KCNMB2: variants seen among roughly 807,000 people sequenced by gnomAD.
The protein encoded by KCNMB2 is potassium calcium-activated channel subfamily M regulatory beta subunit 2.
KCNMB2 carries 9 observed loss-of-function variants against 24.5 expected under a neutral mutation model. That is an observed-to-expected ratio of 0.37 (90% CI 0.22 to 0.64). The LOEUF (loss-of-function observed/expected upper bound fraction) is 0.64, where lower values mean the gene tolerates loss of function less well. KCNMB2 is among the 30% of genes least tolerant of loss of function. The pLI is 0.63. For missense variants in KCNMB2, 226 were observed against 284.3 expected (o/e 0.79, Z 1.47); for synonymous variants, 109 against 104.4 (o/e 1.04, Z -0.27).
intron 1 of KCNMB2, among the ~76,000 whole-genome samples, chr3:178,632,267 TAC>T (rs1003576096): frequency 6.6e-6 from 1 of 152,182 alleles, no homozygotes; most frequent in Admixed American, 6.5e-5. Flanking sequence ...AAAATGATAG[TAC>T]ACACAGTATG....
chr3:178,551,128 G>C (rs966089908), intron 1 of KCNMB2, among the ~76,000 whole-genome samples: 1 of 152,192 alleles, frequency 6.6e-6, no homozygotes, highest in Non-Finnish European at 1.5e-5. Context: ...TTCCCCAAAA[G>C]GAAAGTAAGA....
chr3:178,766,210 T>C (rs929741183), intron 1 of KCNMB2, among the ~76,000 whole-genome samples: 3 of 152,190 alleles, frequency 2.0e-5, no homozygotes, highest in African/African-American at 7.2e-5. Context: ...TATTTTTATT[T>C]TGAGATAGGG....
At chr3:178,544,893 C>T (rs1262726503) in intron 1 of KCNMB2, among the ~76,000 whole-genome samples, 1 of 152,172 alleles carries the variant, frequency 6.6e-6, no homozygotes, top group Non-Finnish European at 1.5e-5. Flanking sequence ...GTGACTAGAA[C>T]TATATTAAGT....
Position 178,757,830 on chromosome 3 carries a change from C to CATCCAAGAGGATATATATATAT in KCNMB2, c.-67-49493_-67-49492insATATCCAAGAGGATATATATAT, listed in dbSNP as rs774991483. Among the ~76,000 whole-genome samples the CATCCAAGAGGATATATATATAT allele has an allele frequency of 1.7e-4, 8 of 46,184 alleles. 1 individual carries two copies. The highest frequency in any genetic ancestry group is 1.6e-3 in the South Asian group (2 of 1,290). 30.3% of individuals were successfully genotyped at this position (46,184 alleles called of 152,430 possible). A position where few individuals can be genotyped will look rare whatever the true frequency, so the allele number is the denominator to read the frequency against. ...CCAAGAGGATATATATATACACATC[C>CATCCAAGAGGATATATATATAT]ATCCAAGAGGATATATATATCCAAG... is the stretch of plus-strand genomic sequence containing the variant. On this transcript the variant is annotated intron_variant, in intron 1 of 4. Coordinates refer to ENST00000452583, the MANE Select transcript of KCNMB2 (RefSeq NM_181361.3).
At chr3:178,794,307 T>C (rs1713446262) in intron 1 of KCNMB2, among the ~76,000 whole-genome samples, 1 of 151,986 alleles carries the variant, frequency 6.6e-6, no homozygotes, top group African/African-American at 2.4e-5. Context: ...CTCCCTAACC[T>C]CAAAGACCGG....
chr3:178,610,372 T>C (rs1257597455), intron 1 of KCNMB2, among the ~76,000 whole-genome samples: 2 of 152,196 alleles, frequency 1.3e-5, no homozygotes, highest in East Asian at 3.8e-4. Flanking sequence ...TATTGATTCT[T>C]TCAATACATG....
In KCNMB2 at chr3:178,843,221, T is replaced by C; in HGVS notation, c.*284T>C. The C allele has an allele frequency of 1.9e-6, 1 of 520,758 alleles. No homozygotes were observed. Among genetic ancestry groups the C allele is most frequent in the Non-Finnish European group, 3.7e-6 (1 of 269,412 alleles). The allele number at this position is 520,758 out of a possible 1,614,324, so 32.3% of individuals were successfully genotyped here. On this transcript the variant is annotated 3_prime_UTR_variant, in exon 5 of 5. Transcript: ENST00000452583. ...ATTCCGCCAAAACAGGGCTCAGTTA[T>C]TCATTTGCCAAGCTTCGTGGAGGAA...
chr3:178,603,926 A>G (rs924680479), intron 1 of KCNMB2, among the ~76,000 whole-genome samples: 4 of 152,190 alleles, frequency 2.6e-5, no homozygotes, highest in Admixed American at 1.3e-4. Flanking sequence ...TATCAGTGAC[A>G]CAGTTCAAAG....
chr3:178,718,388 T>C (rs79423734), intron 1 of KCNMB2, among the ~76,000 whole-genome samples: 21,300 of 152,254 alleles, frequency 0.14, 1,843 homozygotes, highest in Non-Finnish European at 0.18. Flanking sequence ...TCTGTATGTA[T>C]GCATGTGTCT....
intron 1 of KCNMB2, among the ~76,000 whole-genome samples, chr3:178,798,487 A>G (rs1333963463): frequency 6.6e-6 from 1 of 152,158 alleles, no homozygotes; most frequent in Non-Finnish European, 1.5e-5. Flanking sequence ...ATGCCCATCA[A>G]TGATAGACTG....
chr3:178,657,800 T>G (rs2108567574), intron 1 of KCNMB2, among the ~76,000 whole-genome samples: 1 of 152,286 alleles, frequency 6.6e-6, no homozygotes, highest in East Asian at 1.9e-4. Context: ...TGGCATCACA[T>G]GGAAGGAGCA....
At chr3:178,822,724 T>C (rs73882873) in intron 2 of KCNMB2, among the ~76,000 whole-genome samples, 3,888 of 152,340 alleles carry the variant, frequency 0.026, 153 homozygotes, top group African/African-American at 0.088. Flanking sequence ...CCCCTCTCTA[T>C]ACATTCCAGA....
chr3:178,620,312 T>G (rs891179313), intron 1 of KCNMB2, among the ~76,000 whole-genome samples: 2 of 152,102 alleles, frequency 1.3e-5, no homozygotes, highest in South Asian at 4.1e-4. Flanking sequence ...ATAATTTTTA[T>G]ATGCAGATTT....
chr3:178,654,539 C>A (rs1720250673), intron 1 of KCNMB2, among the ~76,000 whole-genome samples: 2 of 151,984 alleles, frequency 1.3e-5, no homozygotes, highest in Middle Eastern at 3.2e-3. Flanking sequence ...GATCGAAAAC[C>A]ACAACAAAAA....
At chr3:178,571,726 C>T (rs1716808425) in intron 1 of KCNMB2, among the ~76,000 whole-genome samples, 1 of 151,578 alleles carries the variant, frequency 6.6e-6, no homozygotes, top group African/African-American at 2.4e-5. Context: ...ATGTTGCCCT[C>T]CCTGTGTCCA....
At chr3:178,730,002 C>T (rs979660290) in intron 1 of KCNMB2, among the ~76,000 whole-genome samples, 5 of 152,194 alleles carry the variant, frequency 3.3e-5, no homozygotes, top group Non-Finnish European at 7.3e-5. Flanking sequence ...GCCGTAATCT[C>T]ACCATCTTCA....
chr3:178,611,015 C>T (rs562279699), intron 1 of KCNMB2, among the ~76,000 whole-genome samples: 1 of 152,096 alleles, frequency 6.6e-6, no homozygotes, highest in Middle Eastern at 3.2e-3. Flanking sequence ...TGGAAGTATT[C>T]GCTCCTCCTC....
intron 4 of KCNMB2, among the ~76,000 whole-genome samples, chr3:178,836,796 C>A (rs1715245972): frequency 6.6e-6 from 1 of 151,936 alleles, no homozygotes; most frequent in Non-Finnish European, 1.5e-5. Context: ...CGTTCCCACA[C>A]CTCCCACCAA....
intron 1 of KCNMB2, among the ~76,000 whole-genome samples, chr3:178,698,658 C>T (rs1375895491): frequency 6.6e-6 from 1 of 152,224 alleles, no homozygotes; most frequent in African/African-American, 2.4e-5. Context: ...CTTGCCAAAG[C>T]AGTGATGCAG....
Sources: gnomAD v4.1 joint callset for allele counts (sites outside exome capture counted in the v4.1 genomes callset) on GRCh38, gnomAD v4.1.1 for gene constraint, MANE v1.5 for transcripts, NCBI Gene and HGNC (gene_info 2026-07-23, HGNC 2026-07-21) for gene names.